TRPM5: variants seen among roughly 807,000 people sequenced by gnomAD.
TRPM5 encodes the protein MLSN1 and TRP-related.
A neutral mutation model predicts 124.9 loss-of-function variants in TRPM5; 121 were observed. The observed-to-expected ratio is 0.97, with a 90% CI of 0.84 to 1.13. The LOEUF is 1.13. Among genes scored for constraint, TRPM5 ranks in the 50% most tolerant of loss-of-function variants. TRPM5 has a pLI of 0.00. For missense variants in TRPM5, 1,643 were observed against 1,589.1 expected, an observed-to-expected ratio of 1.03 and a Z score of -0.58; for synonymous variants, 781 against 700.5, an observed-to-expected ratio of 1.11 and a Z score of -1.81.
intron 18 of TRPM5, among the ~76,000 whole-genome samples, chr11:2,408,997 C>T (rs1850385310): frequency 6.6e-6 from 1 of 152,178 alleles, no homozygotes; most frequent in Admixed American, 6.5e-5. Context: ...CTCCAGGTTG[C>T]CCTGCGGTGG....
chr11:2,443,345 A>G, the TRPM5 span, among the ~76,000 whole-genome samples: 1 of 152,162 alleles, frequency 6.6e-6, no homozygotes, highest in Non-Finnish European at 1.5e-5. The surrounding 1 kb of genome is among the most constrained non-coding windows in gnomAD (Gnocchi z 5.0). Context: ...AGGTGTATGT[A>G]TGTTCACCCG....
chr11:2,433,507 T>C, the TRPM5 span, among the ~76,000 whole-genome samples: 2 of 152,236 alleles, frequency 1.3e-5, no homozygotes, highest in African/African-American at 4.8e-5. Flanking sequence ...CCATCTGGCA[T>C]ATGTGCACCT....
Position 2,420,410 on chromosome 11 carries a change from G to C in TRPM5, c.466-5C>G. 1 of 1,602,334 alleles carries C rather than the reference G, an allele frequency of 6.2e-7. No individual in the cohort carries two copies. Among genetic ancestry groups the C allele is most frequent in the South Asian group, 1.1e-5 (1 of 90,638 alleles). Reference sequence around the variant, plus strand: ...GTAGTGGACAGGAAAATCCTCCTGCGCCCATGCAGGGAGACGAGGCTGAGC... The same window carrying C: ...GTAGTGGACAGGAAAATCCTCCTGCCCCCATGCAGGGAGACGAGGCTGAGC... On this transcript the variant is annotated splice_polypyrimidine_tract_variant and splice_region_variant and intron_variant, in intron 3 of 23. Coordinates refer to ENST00000155858, the Ensembl canonical transcript of TRPM5.
chr11:2,432,701 T>C, the TRPM5 span, among the ~76,000 whole-genome samples: 1 of 152,228 alleles, frequency 6.6e-6, no homozygotes, highest in Non-Finnish European at 1.5e-5. Flanking sequence ...TTCTTTGTCT[T>C]AGAGGGGAGA....
chr11:2,408,346 C>T (rs1010649318), intron 18 of TRPM5, among the ~76,000 whole-genome samples: 6 of 152,154 alleles, frequency 3.9e-5, no homozygotes, highest in Admixed American at 2.6e-4. Context: ...GGAGAGCTGC[C>T]GAGGAAAGGG....
chr11:2,412,197 C>T (rs2133512286), exon 16 of TRPM5: 2 of 1,613,608 alleles, frequency 1.2e-6, no homozygotes, highest in Non-Finnish European at 1.7e-6. Flanking sequence ...TCCAGTTGTC[C>T]CCCACATACA....
Position 2,415,899 on chromosome 11 carries a change from G to A in TRPM5, c.1128+7C>T, listed in dbSNP as rs965416148. 2.6e-5 allele frequency: 41 copies of A among 1,560,974 alleles called. No homozygotes were observed. Among genetic ancestry groups the A allele is most frequent in the Non-Finnish European group, 3.0e-5 (35 of 1,149,354 alleles). ...TGGGGAGGTGGGTAGGCAGGGCTGG[G>A]AGGCACCTTCCACTCCACGTCCCCA... On this transcript the variant is annotated splice_region_variant and intron_variant, in intron 8 of 23. Transcript: ENST00000155858.
At chr11:2,424,902 C>A (rs1242665014), upstream of TRPM5, among the ~76,000 whole-genome samples, 1 of 152,246 alleles carries the variant, frequency 6.6e-6, no homozygotes, top group Non-Finnish European at 1.5e-5. Flanking sequence ...CGGGCCTCAG[C>A]CCCCTCCTCC....
upstream of TRPM5, among the ~76,000 whole-genome samples, chr11:2,424,335 T>G (rs1845817103): frequency 6.6e-6 from 1 of 152,186 alleles, no homozygotes; most frequent in African/African-American, 2.4e-5. Context: ...GGGCTGGCTT[T>G]GGGGCAGAGG....
chr11:2,415,457 C>T (rs1441553484), exon 9 of TRPM5: 1 of 1,574,128 alleles, frequency 6.4e-7, no homozygotes, highest in Non-Finnish European at 8.6e-7. Flanking sequence ...CCATCACCTC[C>T]TCCAGGTCAC....
chr11:2,405,168 C>T, intron 23 of TRPM5, 125 bp from the exon 29 acceptor site: 1 of 750,756 alleles, frequency 1.3e-6, no homozygotes, highest in Non-Finnish European at 2.2e-6. Flanking sequence ...CCCCACAGGC[C>T]AGCCTGGGGA....
downstream of TRPM5, among the ~76,000 whole-genome samples, chr11:2,404,359 G>T (rs1248314057): frequency 6.6e-6 from 1 of 152,170 alleles, no homozygotes; most frequent in Non-Finnish European, 1.5e-5. Flanking sequence ...CTTTGTCTTG[G>T]GGCCATAAAC....
the TRPM5 span, among the ~76,000 whole-genome samples, chr11:2,439,023 A>T: frequency 2.6e-5 from 4 of 152,216 alleles, no homozygotes; most frequent in African/African-American, 7.2e-5. Flanking sequence ...AAGTAAAGCC[A>T]CACACCTACA....
At chr11:2,437,319 T>C in the TRPM5 span, among the ~76,000 whole-genome samples, 1 of 152,094 alleles carries the variant, frequency 6.6e-6, no homozygotes, top group Admixed American at 6.5e-5. The surrounding 1 kb of genome is among the most constrained non-coding windows in gnomAD (Gnocchi z 5.6). Context: ...GACACACCCA[T>C]CTCCTACATC....
chr11:2,425,629 A>ACCCTGGGCGGGG (rs1554956521), upstream of TRPM5, among the ~76,000 whole-genome samples: 4 of 150,644 alleles, frequency 2.7e-5, no homozygotes, highest in African/African-American at 7.3e-5. Context: ...CCTGGGCGGG[A>ACCCTGGGCGGGG]GTCCTCACCC....
intron 12 of TRPM5, among the ~76,000 whole-genome samples, chr11:2,413,852 C>G (rs1373334559): frequency 6.6e-6 from 1 of 152,208 alleles, no homozygotes; most frequent in Non-Finnish European, 1.5e-5. Context: ...GGAAGTGCCA[C>G]TTCCACTGAG....
At chr11:2,416,105 G>T in intron 7 of TRPM5, 81 bp from the exon 13 acceptor site, 1 of 1,030,178 alleles carries the variant, frequency 9.7e-7, no homozygotes, top group Non-Finnish European at 1.4e-6. Context: ...CCAAAGGTGC[G>T]CTGCCTAGAG....
chr11:2,419,823 G>T (rs988442708), intron 4 of TRPM5, among the ~76,000 whole-genome samples: 1 of 152,200 alleles, frequency 6.6e-6, no homozygotes, highest in Non-Finnish European at 1.5e-5. Flanking sequence ...CTCGGGTGAC[G>T]CTGCCCTCTG....
intron 15 of TRPM5, among the ~76,000 whole-genome samples, chr11:2,412,485 A>C (rs1462329748): frequency 6.6e-6 from 1 of 152,192 alleles, no homozygotes; most frequent in Non-Finnish European, 1.5e-5. Flanking sequence ...TCTAGGGATC[A>C]GTTTATGCAG....
Sources: allele counts gnomAD v4.1 joint callset (sites outside exome capture counted in the v4.1 genomes callset), GRCh38; gene constraint gnomAD v4.1.1; non-coding constraint Gnocchi (gnomAD v3.1); transcripts MANE v1.5; gene names NCBI Gene and HGNC (gene_info 2026-07-23, HGNC 2026-07-21).